Variants in MFHAS1 observed in about 807,000 individuals in gnomAD.
MFHAS1 encodes malignant fibrous histiocytoma-amplified sequence 1.
In MFHAS1, 50 loss-of-function variants were observed where a neutral mutation model predicts 70.4. The observed-to-expected ratio is 0.71, with a 90% CI of 0.57 to 0.90. MFHAS1 has a LOEUF of 0.90. Among genes scored for constraint, MFHAS1 ranks in the 40% least tolerant of loss-of-function variants. The pLI, the probability that MFHAS1 is intolerant of heterozygous loss-of-function variation, is 0.00. For missense variants in MFHAS1, 1,795 were observed against 1,347.6 expected, an observed-to-expected ratio of 1.33 and a Z score of -5.20; for synonymous variants, 952 against 620.0, an observed-to-expected ratio of 1.54 and a Z score of -7.96.
At chr8:8,829,398 C>G (rs1563193324) in intron 1 of MFHAS1, among the ~76,000 whole-genome samples, 1 of 152,240 alleles carries the variant, frequency 6.6e-6, no homozygotes. Context: ...ATCGTGAGAT[C>G]TGTCCAGCGC....
chr8:8,838,599 G>C (rs1807692307), intron 1 of MFHAS1, among the ~76,000 whole-genome samples: 1 of 152,038 alleles, frequency 6.6e-6, no homozygotes, highest in South Asian at 2.1e-4. Context: ...GATCACCTGA[G>C]GTCAGGAGTT....
At chr8:8,834,889 A>G (rs967226538) in intron 1 of MFHAS1, among the ~76,000 whole-genome samples, 1 of 152,226 alleles carries the variant, frequency 6.6e-6, no homozygotes, top group South Asian at 2.1e-4. Context: ...TCTTGGAGGG[A>G]AACAGCAATA....
chr8:8,880,698 T>TCCC (rs34720089), intron 1 of MFHAS1, among the ~76,000 whole-genome samples: 65 of 149,010 alleles, frequency 4.4e-4, no homozygotes, highest in African/African-American at 8.4e-4. Flanking sequence ...TTTTTTTTTT[T>TCCC]CCCCCAGATG....
At chr8:8,810,263 G>A (rs933685917) in intron 1 of MFHAS1, among the ~76,000 whole-genome samples, 3 of 152,228 alleles carry the variant, frequency 2.0e-5, no homozygotes, top group African/African-American at 4.8e-5. Flanking sequence ...CTACTCAGGA[G>A]GCTGAGGCAG....
intron 1 of MFHAS1, among the ~76,000 whole-genome samples, chr8:8,808,435 C>T (rs146447307): frequency 6.6e-6 from 1 of 152,340 alleles, no homozygotes; most frequent in East Asian, 1.9e-4. Flanking sequence ...ATACGTCACC[C>T]TTATTTTACT....
At chr8:8,883,682 TG>T in intron 1 of MFHAS1, among the ~76,000 whole-genome samples, 2 of 113,482 alleles carry the variant, frequency 1.8e-5, no homozygotes, top group Middle Eastern at 0.022. Context: ...CACTCCAGCC[TG>T]GGCAACAGAG....
Position 8,891,426 on chromosome 8 carries a change from G to T in MFHAS1, c.1633C>A (p.Arg545Ser), listed in dbSNP as rs763484243. 9 of 1,612,668 alleles carry T rather than the reference G, an allele frequency of 5.6e-6. No individual in the cohort carries two copies. The highest frequency in any genetic ancestry group is 7.6e-6 in the Non-Finnish European group (9 of 1,180,034). ...VGTHADLCGE[R>S]ELEEKCLDIH... ...TCCAGACATTTCTCCTCCAGCTCACGCTCTCCGCACAGGTCTGCGTGGGTG... is the reference window on the plus strand; with the variant it reads ...TCCAGACATTTCTCCTCCAGCTCACTCTCTCCGCACAGGTCTGCGTGGGTG... Residue 545 changes from arginine (R) to serine (S), a missense_variant, in exon 1 of 3, where the codon CGT becomes AGT. Coordinates refer to ENST00000276282, the MANE Select transcript of MFHAS1 (RefSeq NM_004225.3). The surrounding 1 kb of genome is among the most constrained non-coding windows in gnomAD (Gnocchi z 5.4).
intron 1 of MFHAS1, among the ~76,000 whole-genome samples, chr8:8,805,535 G>C (rs922957756): frequency 1.3e-5 from 2 of 152,154 alleles, no homozygotes; most frequent in Non-Finnish European, 2.9e-5. Flanking sequence ...AGGAGGCTGG[G>C]GAGGAGGGGG....
At chr8:8,845,788 C>T (rs142084538) in intron 1 of MFHAS1, among the ~76,000 whole-genome samples, 1 of 152,152 alleles carries the variant, frequency 6.6e-6, no homozygotes, top group Non-Finnish European at 1.5e-5. Context: ...GGGTCCCACA[C>T]CCAATTTTAA....
chr8:8,869,302 A>T (rs2116905259), intron 1 of MFHAS1, among the ~76,000 whole-genome samples: 1 of 152,332 alleles, frequency 6.6e-6, no homozygotes, highest in Admixed American at 6.5e-5. Context: ...CTGCTTTTAC[A>T]AGCACTACCA....
chr8:8,811,502 T>G (rs2117283826), intron 1 of MFHAS1, among the ~76,000 whole-genome samples: 1 of 152,282 alleles, frequency 6.6e-6, no homozygotes. Flanking sequence ...GGTCTCAGAC[T>G]CATGGTCTCA....
chr8:8,878,247 A>G (rs942054766), intron 1 of MFHAS1, among the ~76,000 whole-genome samples: 8 of 152,088 alleles, frequency 5.3e-5, no homozygotes, highest in Non-Finnish European at 1.2e-4. Flanking sequence ...ATGGCAACCT[A>G]ACTGAGACCC....
In MFHAS1 at chr8:8,892,748, G is replaced by A; in HGVS notation, c.311C>T (p.Pro104Leu). Residue 104 changes from proline to leucine, a missense_variant, in exon 1 of 3, where the codon CCG becomes CTG. By Grantham distance (98) the Pro-to-Leu change is moderately conservative. Transcript: ENST00000276282. The surrounding 1 kb of genome is among the most constrained non-coding windows in gnomAD (Gnocchi z 4.7). ...LRRNRFARLP[P>L]AVAELGHHLT... ...GTGGTGGCCGAGCTCGGCCACCGCC[G>A]GGGGCAGCCGGGCGAAGCGGTTCCT... 4 of 1,573,958 alleles carry A rather than the reference G, an allele frequency of 2.5e-6. No individual in the cohort carries two copies. The highest frequency in any genetic ancestry group is 2.3e-5 in the East Asian group (1 of 43,332).
At chr8:8,875,134 CA>C (rs1302194365) in intron 1 of MFHAS1, among the ~76,000 whole-genome samples, 1 of 152,236 alleles carries the variant, frequency 6.6e-6, no homozygotes, top group Non-Finnish European at 1.5e-5. Flanking sequence ...CTGACGTGCC[CA>C]TCCTCATGGG....
At chr8:8,821,227 C>T (rs1298701091) in intron 1 of MFHAS1, among the ~76,000 whole-genome samples, 1 of 152,166 alleles carries the variant, frequency 6.6e-6, no homozygotes, top group African/African-American at 2.4e-5. Context: ...AGCTTCTGTG[C>T]AAAGCTTACA....
intron 1 of MFHAS1, among the ~76,000 whole-genome samples, chr8:8,883,567 G>C (rs1457277826): frequency 6.6e-6 from 1 of 151,810 alleles, no homozygotes; most frequent in Non-Finnish European, 1.5e-5. Flanking sequence ...AATTAGCTGG[G>C]CGTGGTGGTG....
chr8:8,861,225 A>G (rs1459731995), intron 1 of MFHAS1, among the ~76,000 whole-genome samples: 1 of 152,250 alleles, frequency 6.6e-6, no homozygotes, highest in Non-Finnish European at 1.5e-5. Flanking sequence ...TGTGTCTTAC[A>G]AAATCCTTGA....
intron 1 of MFHAS1, among the ~76,000 whole-genome samples, chr8:8,865,614 T>C (rs906173919): frequency 1.3e-5 from 2 of 152,182 alleles, no homozygotes; most frequent in Non-Finnish European, 2.9e-5. Context: ...TTTTAGAAAA[T>C]GGCTGTTAAG....
At chr8:8,858,151 G>C (rs986872217) in intron 1 of MFHAS1, among the ~76,000 whole-genome samples, 1 of 152,198 alleles carries the variant, frequency 6.6e-6, no homozygotes, top group Non-Finnish European at 1.5e-5. Context: ...AGCACAGGGG[G>C]TATACAAGGC....
Sources: allele counts gnomAD v4.1 joint callset (sites outside exome capture counted in the v4.1 genomes callset), GRCh38; gene constraint gnomAD v4.1.1; non-coding constraint Gnocchi (gnomAD v3.1); transcripts MANE v1.5; gene names NCBI Gene and HGNC (gene_info 2026-07-23, HGNC 2026-07-21).